Variants in PHEX observed in about 807,000 individuals in gnomAD.
PHEX encodes phosphate-regulating neutral endopeptidase PHEX.
PHEX carries 16 observed loss-of-function variants against 68.0 expected under a neutral mutation model. The ratio of observed to expected loss-of-function variants is 0.24; its 90% CI spans 0.16 to 0.36. The LOEUF is 0.36. Ranked by LOEUF, PHEX falls within the 10% of genes least tolerant of loss-of-function variation. The pLI is 1.00. For synonymous variants in PHEX, 208 were observed against 205.1 expected (o/e 1.01, Z -0.12); for missense variants, 480 against 575.5 (o/e 0.83, Z 1.70).
intron 14 of PHEX, among the ~76,000 whole-genome samples, chrX:22,180,142 T>C (rs974229802): frequency 3.6e-5 from 4 of 111,563 alleles, no homozygotes; most frequent in African/African-American, 9.8e-5. Context: ...TCCTGCTGGT[T>C]GTCCCTGTGT....
intron 6 of PHEX, among the ~76,000 whole-genome samples, chrX:22,092,932 A>G (rs1464139801): frequency 7.4e-5 from 8 of 108,081 alleles, no homozygotes; most frequent in African/African-American, 2.7e-4. Flanking sequence ...TTGTATTTTT[A>G]GTAGAGACGG....
intron 20 of PHEX, among the ~76,000 whole-genome samples, chrX:22,242,225 C>T (rs1936238734): frequency 8.9e-6 from 1 of 112,105 alleles, no homozygotes; most frequent in Non-Finnish European, 1.9e-5. Context: ...CAAAATTCAA[C>T]ACCCCTTGAT....
intron 3 of PHEX, among the ~76,000 whole-genome samples, chrX:22,067,094 T>C (rs1253431653): frequency 9.1e-6 from 1 of 109,812 alleles, no homozygotes; most frequent in Non-Finnish European, 1.9e-5. Flanking sequence ...AAATAAAAAT[T>C]AACCAGGCAC....
chrX:22,205,449 A>G (rs1172488298), intron 15 of PHEX, among the ~76,000 whole-genome samples: 1 of 111,482 alleles, frequency 9.0e-6, no homozygotes, highest in African/African-American at 3.3e-5. Flanking sequence ...TACTACACTT[A>G]CAAAAGTTTG....
intron 17 of PHEX, 28 bp downstream of exon 17, chrX:22,219,131 C>T (rs1935186731): frequency 6.3e-6 from 6 of 956,485 alleles, no homozygotes; most frequent in Non-Finnish European, 7.5e-6. Flanking sequence ...TTATAAGCTG[C>T]TGCTTTTATA....
chrX:22,203,532 G>T (rs1015786071), intron 15 of PHEX, among the ~76,000 whole-genome samples: 12 of 111,060 alleles, frequency 1.1e-4, no homozygotes, highest in African/African-American at 3.9e-4. Flanking sequence ...TGATGACAAT[G>T]AAATCATTTT....
chrX:22,201,803 T>C (rs1386004309), intron 15 of PHEX, among the ~76,000 whole-genome samples: 1 of 111,310 alleles, frequency 9.0e-6, no homozygotes, highest in Non-Finnish European at 1.9e-5. Flanking sequence ...CATGAAATGA[T>C]TATCAGAGTC....
chrX:22,053,532 T>C (rs1268759265), intron 3 of PHEX, among the ~76,000 whole-genome samples: 2 of 112,235 alleles, frequency 1.8e-5, no homozygotes, highest in African/African-American at 6.5e-5. Flanking sequence ...TATAATCATA[T>C]GTTTGTCTTA....
intron 11 of PHEX, among the ~76,000 whole-genome samples, chrX:22,127,131 C>G (rs896225447): frequency 1.0e-4 from 11 of 110,501 alleles, no homozygotes; most frequent in African/African-American, 3.0e-4. Context: ...CTCGGCCTCC[C>G]AAAGTGCTGG....
rs1602440575 is a variant in PHEX, at chrX:22,246,162, A to C, written c.2147+753A>C. Among the ~76,000 whole-genome samples, 5 of 112,222 alleles carry C rather than the reference A, an allele frequency of 4.5e-5. No individual in the cohort carries two copies. In the Admixed American group the frequency reaches 4.7e-4, roughly 11 times the overall value. Reference sequence around the variant, plus strand: ...TATTTGTCAGAATGTATAAAACATTAAGTACAAATAAAATTAAAAGTTAAT... The same window carrying C: ...TATTTGTCAGAATGTATAAAACATTCAGTACAAATAAAATTAAAAGTTAAT... On this transcript the variant is annotated intron_variant, in intron 21 of 21. Coordinates refer to ENST00000379374, the MANE Select transcript of PHEX (RefSeq NM_000444.6).
chrX:22,234,522 G>A (rs1356949459), intron 20 of PHEX, among the ~76,000 whole-genome samples: 1 of 110,929 alleles, frequency 9.0e-6, no homozygotes, highest in East Asian at 2.9e-4. Context: ...AGCTGTGGTG[G>A]GCTCCTCCCA....
At chrX:22,185,755 G>GTTTTTTTTTTTTTTTT (rs1934009559) in intron 14 of PHEX, among the ~76,000 whole-genome samples, 1 of 75,121 alleles carries the variant, frequency 1.3e-5, no homozygotes, top group African/African-American at 7.6e-5. Context: ...TCTCGTTTGT[G>GTTTTTTTTTTTTTTTT]GTTTTTTTTT....
At chrX:22,171,889 C>T (rs762576459) in intron 13 of PHEX, 1 of 111,634 alleles carries the variant, frequency 9.0e-6, no homozygotes, top group African/African-American at 3.3e-5. Context: ...GCATTTGAGA[C>T]AGGTGGAGAT....
In PHEX at chrX:22,232,596, C is replaced by CTT. The variant is rs745474280; in HGVS notation, c.2070+5014_2070+5015dup. 2.2e-3 allele frequency among the ~76,000 whole-genome samples: 40 copies of CTT among 18,534 alleles called. 2 individuals are homozygous for CTT. The highest frequency in any genetic ancestry group is 2.8e-3 in the South Asian group (1 of 351). 16.1% of individuals were successfully genotyped at this position (18,534 alleles called of 115,157 possible). On this transcript the variant is annotated intron_variant, in intron 20 of 21. Coordinates refer to ENST00000379374, the MANE Select transcript of PHEX (RefSeq NM_000444.6). ...TCAGAGATTAGGATTGCCACTTCTG[C>CTT]TTTTTTTTTTTTTTTTTTTTTTTTT...
At chrX:22,230,161 T>TA (rs1282602236) in intron 20 of PHEX, among the ~76,000 whole-genome samples, 1 of 108,150 alleles carries the variant, frequency 9.2e-6, no homozygotes, top group African/African-American at 3.4e-5. Flanking sequence ...TAGTAAAGTT[T>TA]AAAGTCAGGT....
chrX:22,041,261 C>CTATATA (rs1927265335), intron 2 of PHEX, among the ~76,000 whole-genome samples: 2 of 65,501 alleles, frequency 3.1e-5, no homozygotes, highest in Non-Finnish European at 5.4e-5. Context: ...CTCTCTCTCT[C>CTATATA]TCTCTATATA....
chrX:22,037,510 G>A (rs969845812), intron 1 of PHEX, among the ~76,000 whole-genome samples: 8 of 112,280 alleles, frequency 7.1e-5, no homozygotes, highest in Non-Finnish European at 1.3e-4. Context: ...ATGCCCAGGT[G>A]CTACCTGGGG....
chrX:22,071,544 A>C (rs1330080552), intron 3 of PHEX, among the ~76,000 whole-genome samples: 2 of 111,759 alleles, frequency 1.8e-5, no homozygotes, highest in South Asian at 3.8e-4. Flanking sequence ...GATGAATGTG[A>C]CCCAGCCCCT....
intron 11 of PHEX, among the ~76,000 whole-genome samples, chrX:22,115,030 T>C (rs1931172040): frequency 9.0e-6 from 1 of 111,594 alleles, no homozygotes. Flanking sequence ...AACAATTGTA[T>C]ATATTCGAAG....
Sources: allele counts gnomAD v4.1 joint callset (sites outside exome capture counted in the v4.1 genomes callset), GRCh38; gene constraint gnomAD v4.1.1; transcripts MANE v1.5; gene names NCBI Gene and HGNC (gene_info 2026-07-23, HGNC 2026-07-21).